The following SCMH1 variants were observed in gnomAD, a reference collection of about 807,000 sequenced individuals.
SCMH1 encodes Scm polycomb group protein homolog 1.
A neutral mutation model predicts 70.8 loss-of-function variants in SCMH1; 37 were observed. That is an observed-to-expected ratio of 0.52 (90% confidence interval 0.40 to 0.69). The LOEUF (loss-of-function observed/expected upper bound fraction) is 0.69. Among genes scored for constraint, SCMH1 ranks in the 30% least tolerant of loss-of-function variants. SCMH1 has a pLI of 0.00. For missense variants in SCMH1, 607 were observed against 827.3 expected, an observed-to-expected ratio of 0.73 and a Z score of 3.27; for synonymous variants, 292 against 307.4, an observed-to-expected ratio of 0.95 and a Z score of 0.52.
intron 4 of SCMH1, among the ~76,000 whole-genome samples, chr1:41,156,866 AT>A (rs1236950375): frequency 6.6e-6 from 1 of 151,652 alleles, no homozygotes; most frequent in Admixed American, 6.6e-5. Context: ...GGGTTTCCCT[AT>A]GGTGCCCAGG....
intron 6 of SCMH1, among the ~76,000 whole-genome samples, chr1:41,134,735 T>G (rs1311398169): frequency 6.6e-6 from 1 of 152,234 alleles, no homozygotes; most frequent in Non-Finnish European, 1.5e-5. Flanking sequence ...TTCACACATT[T>G]GTTAGTTTTC....
At chr1:41,224,821 G>T (rs1659948898) in intron 1 of SCMH1, among the ~76,000 whole-genome samples, 1 of 152,120 alleles carries the variant, frequency 6.6e-6, no homozygotes, top group Non-Finnish European at 1.5e-5. Flanking sequence ...TCACAATTCT[G>T]CAGGGTACAT....
intron 10 of SCMH1, among the ~76,000 whole-genome samples, chr1:41,061,905 C>T (rs1411487993): frequency 7.2e-5 from 11 of 151,966 alleles, no homozygotes; most frequent in Non-Finnish European, 1.6e-4. Context: ...CACTCTTTCA[C>T]ACAGGTTGGA....
At chr1:41,215,108 G>A (rs184790186) in intron 1 of SCMH1, among the ~76,000 whole-genome samples, 2 of 152,244 alleles carry the variant, frequency 1.3e-5, no homozygotes, top group Admixed American at 1.3e-4. Context: ...TTAATGAAGA[G>A]GCTTCAGAGA....
chr1:41,234,131 C>T (rs1444467584), intron 1 of SCMH1, among the ~76,000 whole-genome samples: 1 of 152,154 alleles, frequency 6.6e-6, no homozygotes, highest in African/African-American at 2.4e-5. Context: ...AATTCCTTCT[C>T]AATCTTTAAG....
At chr1:41,139,695 C>G (rs1643876449) in intron 6 of SCMH1, among the ~76,000 whole-genome samples, 1 of 152,072 alleles carries the variant, frequency 6.6e-6, no homozygotes, top group African/African-American at 2.4e-5. Flanking sequence ...GATAGATACA[C>G]ACATACACAC....
intron 1 of SCMH1, among the ~76,000 whole-genome samples, chr1:41,191,441 A>C (rs949294028): frequency 6.6e-6 from 1 of 152,262 alleles, no homozygotes; most frequent in Admixed American, 6.5e-5. Flanking sequence ...TTCACTGCAA[A>C]GTAATCTGCT....
intron 1 of SCMH1, among the ~76,000 whole-genome samples, chr1:41,240,104 A>C (rs1312887346): frequency 6.6e-6 from 1 of 152,254 alleles, no homozygotes; most frequent in Non-Finnish European, 1.5e-5. Flanking sequence ...CTTACATAAA[A>C]GGGAACAACA....
chr1:41,079,236 G>A (rs1659255593), intron 8 of SCMH1, among the ~76,000 whole-genome samples: 3 of 151,812 alleles, frequency 2.0e-5, no homozygotes, highest in Admixed American at 2.0e-4. Context: ...TGGACAAATA[G>A]AAAACAAAAA....
intron 1 of SCMH1, among the ~76,000 whole-genome samples, chr1:41,217,129 A>G (rs180931352): frequency 2.6e-5 from 4 of 152,338 alleles, no homozygotes; most frequent in Admixed American, 2.0e-4. Context: ...GATAGTTGGT[A>G]GAAATATGAG....
intron 1 of SCMH1, among the ~76,000 whole-genome samples, chr1:41,229,777 T>A (rs1426433055): frequency 6.6e-6 from 1 of 152,150 alleles, no homozygotes; most frequent in Non-Finnish European, 1.5e-5. Flanking sequence ...CCTGCCCTCA[T>A]GTCCTCATGG....
chr1:41,080,737 A>G (rs1386778667), intron 8 of SCMH1, among the ~76,000 whole-genome samples: 1 of 152,198 alleles, frequency 6.6e-6, no homozygotes, highest in Non-Finnish European at 1.5e-5. Context: ...GATAAAAATT[A>G]TCAATAAACT....
exon 12 of SCMH1, chr1:41,046,532 C>T (rs138957992): frequency 1.2e-5 from 20 of 1,614,142 alleles, no homozygotes; most frequent in East Asian, 2.2e-5. Flanking sequence ...CTCCAGGAAG[C>T]GGAGGACGTA....
At chr1:41,075,878 GT>G (rs1168309333) in intron 8 of SCMH1, among the ~76,000 whole-genome samples, 1 of 152,180 alleles carries the variant, frequency 6.6e-6, no homozygotes, top group Non-Finnish European at 1.5e-5. Flanking sequence ...ATAAGAACTT[GT>G]TTTAAAATTG....
intron 2 of SCMH1, chr1:41,162,982 G>A (rs573809167): frequency 6.6e-6 from 1 of 152,400 alleles, no homozygotes; most frequent in South Asian, 2.1e-4. Flanking sequence ...AAGAGTTGCT[G>A]TAACACCAAA....
chr1:41,161,554 G>A (rs1307761669), intron 2 of SCMH1, 122 bp from the exon 3 acceptor site: 2 of 1,093,516 alleles, frequency 1.8e-6, no homozygotes, highest in African/African-American at 1.6e-5. Context: ...TCTATGCTAA[G>A]GAAAAATACT....
chr1:41,106,009 T>G (rs804661), intron 8 of SCMH1, among the ~76,000 whole-genome samples: 126,104 of 151,082 alleles, frequency 0.83, 52,999 homozygotes, highest in East Asian at 0.96. Flanking sequence ...CTAGTAGCTG[T>G]GATTACAGGT....
intron 1 of SCMH1, among the ~76,000 whole-genome samples, chr1:41,204,793 G>A (rs1655124146): frequency 6.6e-6 from 1 of 151,996 alleles, no homozygotes; most frequent in Admixed American, 6.5e-5. Context: ...CTCTCACTGG[G>A]GTGTTTATGT....
chr1:41,069,563 A>G (rs1320704092), intron 10 of SCMH1, among the ~76,000 whole-genome samples: 1 of 152,224 alleles, frequency 6.6e-6, no homozygotes, highest in Non-Finnish European at 1.5e-5. Context: ...AAAAAAATGA[A>G]AAGTAGGTAA....
Sources: allele counts gnomAD v4.1 joint callset (sites outside exome capture counted in the v4.1 genomes callset), GRCh38; gene constraint gnomAD v4.1.1; transcripts MANE v1.5; gene names NCBI Gene and HGNC (gene_info 2026-07-23, HGNC 2026-07-21).